ELP4: variants seen among roughly 807,000 people sequenced by gnomAD.
ELP4 encodes elongator acetyltransferase complex subunit 4.
Under a neutral mutation model 48.9 loss-of-function variants are expected in ELP4, and 51 were observed. That is an observed-to-expected ratio of 1.04 (90% CI 0.83 to 1.32). ELP4 has a LOEUF of 1.32. ELP4 is among the 40% of genes most tolerant of loss of function. The probability of loss-of-function intolerance (pLI) is 0.00; values close to 1 mark genes in which losing one functional copy is unlikely to be tolerated. For synonymous variants in ELP4, 210 were observed against 189.2 expected, an observed-to-expected ratio of 1.11 and a Z score of -0.90; for missense variants, 519 against 514.6, an observed-to-expected ratio of 1.01 and a Z score of -0.08.
At chr11:31,629,509 T>C (rs540525746) in intron 6 of ELP4, among the ~76,000 whole-genome samples, 1 of 152,184 alleles carries the variant, frequency 6.6e-6, no homozygotes, top group East Asian at 1.9e-4. Context: ...TCATTCATTT[T>C]TTGGCTTAAT....
chr11:31,735,411 G>A (rs1236380001), intron 9 of ELP4, among the ~76,000 whole-genome samples: 1 of 152,164 alleles, frequency 6.6e-6, no homozygotes, highest in African/African-American at 2.4e-5. Context: ...TTGAAAGCTG[G>A]CACAAGACAG....
chr11:31,647,071 C>T (rs1374446044), intron 7 of ELP4: 2 of 151,644 alleles, frequency 1.3e-5, no homozygotes, highest in African/African-American at 4.8e-5. Context: ...CAGATTGTGT[C>T]GAGAAATAAA....
intron 9 of ELP4, among the ~76,000 whole-genome samples, chr11:31,713,060 G>A (rs567424795): frequency 2.6e-5 from 4 of 152,148 alleles, no homozygotes; most frequent in Non-Finnish European, 4.4e-5. Context: ...GGGATTTTGC[G>A]GAAATTTGGA....
intron 9 of ELP4, among the ~76,000 whole-genome samples, chr11:31,667,898 A>C (rs185641395): frequency 6.6e-6 from 1 of 152,186 alleles, no homozygotes; most frequent in Non-Finnish European, 1.5e-5. Context: ...TCATCTTATC[A>C]TACTCCGTTA....
At chr11:31,658,091 G>A (rs1357982077) in intron 9 of ELP4, among the ~76,000 whole-genome samples, 1 of 151,884 alleles carries the variant, frequency 6.6e-6, no homozygotes, top group African/African-American at 2.4e-5. Context: ...TAAAGCCTGT[G>A]CTCTTAACCA....
At chr11:31,671,186 A>G (rs1482495050) in intron 9 of ELP4, among the ~76,000 whole-genome samples, 6 of 152,226 alleles carry the variant, frequency 3.9e-5, no homozygotes, top group African/African-American at 1.4e-4. Flanking sequence ...AATAAATCAT[A>G]AAATGGTTTC....
rs1046693128 is a variant in ELP4 at position 31,787,706 on chromosome 11, C to A, written c.*4182C>A. The stretch of plus-strand genomic sequence containing the variant: ...ACTACATGCACACATACAAAAACTG[C>A]AACTTAGGAAGGTGTCTCCAAATGT... On this transcript the variant is annotated 3_prime_UTR_variant, in exon 10 of 10. Transcript: ENST00000640961. The A allele has an allele frequency of 4.3e-6, 1 of 230,108 alleles. No homozygotes were observed. Among genetic ancestry groups the A allele is most frequent in the African/African-American group, 2.2e-5 (1 of 45,188 alleles). 14.3% of individuals were successfully genotyped at this position (230,108 alleles called of 1,614,324 possible). A position where few individuals can be genotyped will look rare whatever the true frequency, so the allele number is the denominator to read the frequency against.
chr11:31,742,262 A>G (rs1256369709), intron 9 of ELP4, among the ~76,000 whole-genome samples: 2 of 152,256 alleles, frequency 1.3e-5, no homozygotes, highest in Non-Finnish European at 2.9e-5. Context: ...GACCAAAACT[A>G]CGTCTGATTG....
intron 3 of ELP4, among the ~76,000 whole-genome samples, chr11:31,578,894 C>A (rs1274746311): frequency 6.6e-6 from 1 of 152,170 alleles, no homozygotes; most frequent in Non-Finnish European, 1.5e-5. Flanking sequence ...GACTTCATGA[C>A]TAAAACACCA....
chr11:31,776,404 C>T (rs1289596394), intron 9 of ELP4, among the ~76,000 whole-genome samples: 4 of 152,166 alleles, frequency 2.6e-5, no homozygotes, highest in South Asian at 4.1e-4. Flanking sequence ...ATAACTTAGT[C>T]GCTCAGCCTC....
chr11:31,653,296 A>G (rs1477797297), intron 9 of ELP4: 1 of 151,734 alleles, frequency 6.6e-6, no homozygotes, highest in African/African-American at 2.4e-5. Context: ...GGTTAAAAGA[A>G]ATAGCTTTCC....
At chr11:31,743,204 A>G (rs1017044863) in intron 9 of ELP4, among the ~76,000 whole-genome samples, 1 of 152,246 alleles carries the variant, frequency 6.6e-6, no homozygotes, top group African/African-American at 2.4e-5. Context: ...TAACTATCCC[A>G]AATATATATG....
intron 3 of ELP4, among the ~76,000 whole-genome samples, chr11:31,544,162 G>A (rs1224745526): frequency 6.6e-6 from 1 of 152,262 alleles, no homozygotes. Context: ...GTCAGTGGGT[G>A]CAGTGCACCA....
At chr11:31,684,924 C>G (rs1201273247) in intron 9 of ELP4, among the ~76,000 whole-genome samples, 1 of 152,174 alleles carries the variant, frequency 6.6e-6, no homozygotes, top group Non-Finnish European at 1.5e-5. Flanking sequence ...GCTGATATTC[C>G]TGATTTTGAT....
At chr11:31,587,594 ATAGT>A (rs1283506259) in intron 3 of ELP4, among the ~76,000 whole-genome samples, 2 of 152,188 alleles carry the variant, frequency 1.3e-5, no homozygotes, top group Non-Finnish European at 1.5e-5. Flanking sequence ...GATCAGTTCA[ATAGT>A]TCTTTAGTTC....
chr11:31,541,232 A>G (rs1450836485), intron 3 of ELP4, among the ~76,000 whole-genome samples: 1 of 152,242 alleles, frequency 6.6e-6, no homozygotes, highest in African/African-American at 2.4e-5. Flanking sequence ...TAATTCGTTC[A>G]TATGATTCAG....
chr11:31,579,558 G>A (rs1257018067), intron 3 of ELP4, among the ~76,000 whole-genome samples: 1 of 152,114 alleles, frequency 6.6e-6, no homozygotes, highest in Non-Finnish European at 1.5e-5. Context: ...ATGATAGACT[G>A]GATTAAGAAA....
intron 3 of ELP4, among the ~76,000 whole-genome samples, chr11:31,543,709 A>G (rs991611352): frequency 1.3e-5 from 2 of 152,212 alleles, no homozygotes; most frequent in Admixed American, 6.5e-5. Context: ...AGCACATTAC[A>G]TAGATAGGAC....
intron 3 of ELP4, among the ~76,000 whole-genome samples, chr11:31,560,129 G>A (rs1280595150): frequency 6.6e-6 from 1 of 152,076 alleles, no homozygotes; most frequent in Non-Finnish European, 1.5e-5. Flanking sequence ...TTCAAATGTT[G>A]TGTGTTCCTG....
Sources: gnomAD v4.1 joint callset for allele counts (sites outside exome capture counted in the v4.1 genomes callset) on GRCh38, gnomAD v4.1.1 for gene constraint, MANE v1.5 for transcripts, NCBI Gene and HGNC (gene_info 2026-07-23, HGNC 2026-07-21) for gene names.